The following ABI3BP variants were observed in gnomAD, a reference collection of about 807,000 sequenced individuals.
The protein encoded by ABI3BP is ABI family member 3 binding protein, also known as target of Nesh-SH3.
ABI3BP carries 216 observed loss-of-function variants against 268.6 expected under a neutral mutation model. The observed-to-expected ratio is 0.80, with a 90% CI of 0.72 to 0.90. The LOEUF (loss-of-function observed/expected upper bound fraction) is 0.90. Ranked by LOEUF, ABI3BP falls within the 40% of genes least tolerant of loss-of-function variation. The probability of loss-of-function intolerance (pLI) is 0.00; values close to 1 mark genes in which losing one functional copy is unlikely to be tolerated. For missense variants in ABI3BP, 2,090 were observed against 2,182.4 expected (o/e 0.96, Z 0.84); for synonymous variants, 730 against 730.0 (o/e 1.00, Z 0.00).
rs72930273 is a variant in ABI3BP, at chr3:100,954,110, C to A, written c.80-27629G>T. Among the ~76,000 whole-genome samples, 783 of 152,244 alleles carry A rather than the reference C, an allele frequency of 5.1e-3. 10 individuals are homozygous for A. Among genetic ancestry groups the A allele is most frequent in the African/African-American group, 0.018 (746 of 41,544 alleles). On this transcript the variant is annotated intron_variant, in intron 1 of 67. Coordinates refer to ENST00000471714, the MANE Select transcript of ABI3BP (RefSeq NM_001375547.2). Reference sequence around the variant, plus strand: ...TGGTGCGCATCAGAACATCTCCTCTCAAACACAGCATTTAGAAATATACAT... The same window carrying A: ...TGGTGCGCATCAGAACATCTCCTCTAAAACACAGCATTTAGAAATATACAT...
At chr3:100,897,106 G>A (rs1340087634) in intron 4 of ABI3BP, among the ~76,000 whole-genome samples, 3 of 151,260 alleles carry the variant, frequency 2.0e-5, no homozygotes, top group African/African-American at 7.3e-5. Context: ...TAAGAAGTAT[G>A]CAATAGCCTT....
At chr3:100,917,445 A>G (rs1361975690) in intron 2 of ABI3BP, among the ~76,000 whole-genome samples, 1 of 145,600 alleles carries the variant, frequency 6.9e-6, no homozygotes, top group African/African-American at 2.6e-5. Flanking sequence ...TTTGAAATGT[A>G]AAAAAAAAAA....
chr3:100,938,926 T>TG (rs990583437), intron 1 of ABI3BP, among the ~76,000 whole-genome samples: 6 of 151,984 alleles, frequency 3.9e-5, no homozygotes, highest in Non-Finnish European at 8.8e-5. Flanking sequence ...TGGACGTTGT[T>TG]GGGGGGGCAT....
intron 22 of ABI3BP, 52 bp from the exon 23 acceptor site, chr3:100,840,216 G>T: frequency 7.6e-7 from 1 of 1,317,104 alleles, no homozygotes; most frequent in Non-Finnish European, 1.0e-6. Context: ...TTTACAAACT[G>T]ATGATAAATA....
intron 14 of ABI3BP, among the ~76,000 whole-genome samples, chr3:100,854,873 A>C (rs1004024156): frequency 6.6e-6 from 1 of 152,132 alleles, no homozygotes; most frequent in Non-Finnish European, 1.5e-5. Flanking sequence ...AAATAATATG[A>C]AATAACTTGC....
intron 22 of ABI3BP, 60 bp downstream of exon 22, chr3:100,840,758 AAC>A (rs2098683388): frequency 2.9e-6 from 4 of 1,375,280 alleles, no homozygotes; most frequent in Admixed American, 2.0e-5. Context: ...TGAGTCTGTC[AAC>A]ACAGATACCA....
intron 33 of ABI3BP, 107 bp from the exon 34 acceptor site, chr3:100,828,559 C>T: frequency 2.0e-6 from 2 of 1,007,944 alleles, no homozygotes; most frequent in Non-Finnish European, 2.9e-6. Context: ...CTGTCCAGAG[C>T]ACGAAGCAAA....
At chr3:100,755,052 T>C (rs2095543254) in intron 63 of ABI3BP, among the ~76,000 whole-genome samples, 1 of 152,188 alleles carries the variant, frequency 6.6e-6, no homozygotes. Context: ...CTCAGCTACT[T>C]CCTGGGGCCA....
intron 56 of ABI3BP, among the ~76,000 whole-genome samples, chr3:100,788,891 G>A (rs902214184): frequency 2.0e-5 from 3 of 152,036 alleles, no homozygotes; most frequent in African/African-American, 4.8e-5. Context: ...TGATTTACAT[G>A]AACTAGATCA....
intron 20 of ABI3BP, chr3:100,844,487 G>A (rs2098745005): frequency 1.0e-6 from 1 of 983,064 alleles, no homozygotes; most frequent in Non-Finnish European, 1.2e-6. Context: ...GCCTGTAAAG[G>A]AAAGTGAAAC....
At chr3:100,869,377 T>G (rs1035120828) in intron 9 of ABI3BP, among the ~76,000 whole-genome samples, 1 of 127,932 alleles carries the variant, frequency 7.8e-6, no homozygotes, top group African/African-American at 2.9e-5. Context: ...CTCACTCTGT[T>G]GCCCAGGCTG....
intron 1 of ABI3BP, among the ~76,000 whole-genome samples, chr3:100,969,117 T>C (rs1385871207): frequency 6.6e-6 from 1 of 152,186 alleles, no homozygotes; most frequent in African/African-American, 2.4e-5. Flanking sequence ...GTCTAAGTGA[T>C]GCAAACCATG....
intron 57 of ABI3BP, among the ~76,000 whole-genome samples, chr3:100,784,584 T>C (rs973025596): frequency 2.6e-5 from 4 of 152,202 alleles, no homozygotes; most frequent in African/African-American, 9.6e-5. Flanking sequence ...CACATGTATG[T>C]TTATTGCAGC....
chr3:100,768,897 T>C (rs1010530044), intron 62 of ABI3BP, among the ~76,000 whole-genome samples: 2 of 152,192 alleles, frequency 1.3e-5, no homozygotes, highest in African/African-American at 2.4e-5. Context: ...TGGTGTACCT[T>C]TTTCTACTTC....
intron 1 of ABI3BP, among the ~76,000 whole-genome samples, chr3:100,947,401 C>A (rs2072973886): frequency 6.6e-6 from 1 of 151,934 alleles, no homozygotes. Flanking sequence ...CTGAATGAAT[C>A]CGTTTGAAAA....
chr3:100,926,532 T>A, intron 1 of ABI3BP, 51 bp from the exon 2 acceptor site: 2 of 1,539,826 alleles, frequency 1.3e-6, no homozygotes, highest in Non-Finnish European at 1.8e-6. Context: ...CTTTTTAGCA[T>A]CCTACCCAAC....
chr3:100,892,204 T>A (rs2045041528), intron 4 of ABI3BP, among the ~76,000 whole-genome samples: 2 of 152,136 alleles, frequency 1.3e-5, no homozygotes, highest in Non-Finnish European at 2.9e-5. Context: ...TGAAGGAAGC[T>A]AGAATTACCA....
intron 28 of ABI3BP, among the ~76,000 whole-genome samples, chr3:100,835,152 C>T (rs1560598524): frequency 6.6e-6 from 1 of 152,106 alleles, no homozygotes; most frequent in Non-Finnish European, 1.5e-5. Flanking sequence ...ACACACATTC[C>T]ATTACAAGTT....
chr3:100,813,692 T>C lies in ABI3BP; in HGVS notation c.3333A>G (p.Ser1111=). ...GACTTTCTGTCATTTCTAGGCTTGG[T>C]GATGTCACTGGTTTCAAAATAAGAG... The part of the protein sequence containing the change: ...LQTLILKPVT[S]PSLEMTESQP... Residue 1111 remains serine, a synonymous_variant, in exon 45 of 68, where the codon TCA becomes TCG. Transcript: ENST00000471714. 6.5e-7 allele frequency: 1 copy of C among 1,535,416 alleles called. No homozygotes were observed. The highest frequency in any genetic ancestry group is 8.7e-7 in the Non-Finnish European group (1 of 1,146,436).
Sources: gnomAD v4.1 joint callset for allele counts (sites outside exome capture counted in the v4.1 genomes callset) on GRCh38, gnomAD v4.1.1 for gene constraint, MANE v1.5 for transcripts, NCBI Gene and HGNC (gene_info 2026-07-23, HGNC 2026-07-21) for gene names.